ZNF787: variants seen among roughly 807,000 people sequenced by gnomAD.
ZNF787 encodes TTF-I-interacting peptide 20.
Under a neutral mutation model 16.9 loss-of-function variants are expected in ZNF787, and 7 were observed. The observed-to-expected ratio is 0.42, with a 90% CI of 0.24 to 0.78. The LOEUF (loss-of-function observed/expected upper bound fraction) is 0.78, where lower values mean the gene tolerates loss of function less well. Ranked by LOEUF, ZNF787 falls within the 30% of genes least tolerant of loss-of-function variation. ZNF787 has a pLI of 0.30. For missense variants in ZNF787, 551 were observed against 589.3 expected, an observed-to-expected ratio of 0.94 and a Z score of 0.67; for synonymous variants, 345 against 270.9, an observed-to-expected ratio of 1.27 and a Z score of -2.69.
Position 56,088,298 on chromosome 19 carries a change from C to T in ZNF787, c.874G>A (p.Gly292Arg), listed in dbSNP as rs1352884219. 6 of 1,353,946 alleles carry T rather than the reference C, an allele frequency of 4.4e-6. No homozygotes were observed. The highest frequency in any genetic ancestry group is 4.7e-6 in the Non-Finnish European group (5 of 1,057,122). 83.9% of individuals were successfully genotyped at this position (1,353,946 alleles called of 1,614,324 possible). Residue 292 changes from glycine (G) to arginine (R), a missense_variant, in exon 3 of 3, where the codon GGG becomes AGG. Transcript: ENST00000610935. This position sits in a 1 kb window ranked among gnomAD's most constrained non-coding sequence, Gnocchi z 8.6. Reference protein sequence around the residue: ...CLECGKGFGHGAGLLAHQRAQ... With the variant: ...CLECGKGFGHRAGLLAHQRAQ... ...CGCTGGTGCGCCAGGAGCCCGGCCC[C>T]GTGCCCGAAGCCCTTCCCGCACTCC...
chr19:56,116,729 C>T (rs529653482), intron 1 of ZNF787, among the ~76,000 whole-genome samples: 13 of 152,108 alleles, frequency 8.5e-5, no homozygotes, highest in Admixed American at 4.6e-4. Context: ...GATTCTCCCC[C>T]GGGGCCTTTG....
At chr19:56,097,864 C>G (rs1199410919) in intron 2 of ZNF787, among the ~76,000 whole-genome samples, 1 of 152,148 alleles carries the variant, frequency 6.6e-6, no homozygotes, top group Admixed American at 6.5e-5. Context: ...AGGGGCAACC[C>G]TACTGGAGTG....
chr19:56,102,771 G>A (rs1002032862), intron 2 of ZNF787: 8 of 614,414 alleles, frequency 1.3e-5, no homozygotes, highest in East Asian at 2.7e-5. Context: ...CCACAGGCCC[G>A]CCTGGAATCA....
At chr19:56,106,131 G>C (rs1006695328) in intron 1 of ZNF787, among the ~76,000 whole-genome samples, 14 of 146,626 alleles carry the variant, frequency 9.5e-5, no homozygotes, top group Non-Finnish European at 9.0e-5. Flanking sequence ...GCATTCCCCC[G>C]CCGCGCCCTG....
At chr19:56,116,286 C>T (rs1205132172) in intron 1 of ZNF787, among the ~76,000 whole-genome samples, 1 of 151,900 alleles carries the variant, frequency 6.6e-6, no homozygotes, top group South Asian at 2.1e-4. Flanking sequence ...CTAAAAAATA[C>T]AAAAAATTAG....
chr19:56,088,460 C>T lies in ZNF787; in HGVS notation c.712G>A (p.Gly238Ser). Reference protein sequence around the residue: ...AADGEIAIPVGDGEGIIVVGA... With the variant: ...AADGEIAIPVSDGEGIIVVGA... ...ACCACGATGATGCCCTCGCCATCGC[C>T]CACGGGGATGGCGATCTCGCCGTCC... Residue 238 changes from glycine to serine, a missense_variant, in exon 3 of 3, where the codon GGC (glycine) becomes AGC (serine). By Grantham distance (56) the Gly-to-Ser change is moderately conservative. Transcript: ENST00000610935. This position sits in a 1 kb window ranked among gnomAD's most constrained non-coding sequence, Gnocchi z 8.6. The T allele has an allele frequency of 2.3e-6, 3 of 1,313,034 alleles. No homozygotes were observed. The highest frequency in any genetic ancestry group is 2.9e-6 in the Non-Finnish European group (3 of 1,032,274). 81.3% of individuals were successfully genotyped at this position (1,313,034 alleles called of 1,614,324 possible).
At chr19:56,091,155 G>GC (rs1258441117) in intron 2 of ZNF787, among the ~76,000 whole-genome samples, 1 of 152,212 alleles carries the variant, frequency 6.6e-6, no homozygotes, top group Non-Finnish European at 1.5e-5. Flanking sequence ...GAAGCTATTT[G>GC]CCCCGGGGCA....
chr19:56,090,683 G>C (rs757101425), intron 2 of ZNF787, among the ~76,000 whole-genome samples: 1 of 152,218 alleles, frequency 6.6e-6, no homozygotes, highest in Admixed American at 6.5e-5. Context: ...TTAGCCGGGC[G>C]TGGTGGCGCA....
At chr19:56,095,204 T>A (rs1004853078) in intron 2 of ZNF787, among the ~76,000 whole-genome samples, 3 of 152,172 alleles carry the variant, frequency 2.0e-5, no homozygotes, top group African/African-American at 4.8e-5. Context: ...GCCGCTGACC[T>A]GGCAGAAGGC....
chr19:56,087,721 G>C lies in ZNF787; in HGVS notation c.*302C>G, dbSNP rs973376558. On this transcript the variant is annotated 3_prime_UTR_variant, in exon 3 of 3. Transcript: ENST00000610935. ...GAGCAGGGAAAATGGCCTTCCGCTT[G>C]GGGCCTGGTCGCCACTCGGCCTCTG... 7.7e-6 allele frequency: 2 copies of C among 260,748 alleles called. No individual in the cohort carries two copies. Among genetic ancestry groups the C allele is most frequent in the Non-Finnish European group, 7.0e-6 (1 of 143,184 alleles). 16.2% of individuals were successfully genotyped at this position (260,748 alleles called of 1,614,324 possible). A position where few individuals can be genotyped will look rare whatever the true frequency, so the allele number is the denominator to read the frequency against.
In ZNF787 at chr19:56,088,047, C is replaced by G. The variant is rs549656614; in HGVS notation, c.1125G>C (p.Glu375Asp). ...CCTACCGGCCCTCCCCACCGCGGCA[C>G]TCGGGGCACCGCCCGCCCGCGGCCT... ...DDEAAGGRCP[E>D]CRGGEGR The change falls in exon 3 of 3, where the codon GAG becomes GAC. Residue 375 changes from glutamate to aspartate, a missense_variant. This residue lies in a region of ZNF787 where 392 missense variants were observed against 312.7 expected (regional missense o/e 1.25). Transcript: ENST00000610935. This position sits in a 1 kb window ranked among gnomAD's most constrained non-coding sequence, Gnocchi z 8.6. 5.1e-6 allele frequency: 7 copies of G among 1,374,884 alleles called. No homozygotes were observed. Among genetic ancestry groups the G allele is most frequent in the South Asian group, 4.8e-5 (3 of 63,066 alleles). The allele number at this position is 1,374,884 out of a possible 1,614,324, so 85.2% of individuals were successfully genotyped here.
chr19:56,097,441 C>T (rs910900566), intron 2 of ZNF787, among the ~76,000 whole-genome samples: 23 of 152,374 alleles, frequency 1.5e-4, no homozygotes, highest in African/African-American at 5.0e-4. Flanking sequence ...ACGTGGGAAA[C>T]GCCGTGCTGT....
At chr19:56,100,618 C>T (rs1409400534) in intron 2 of ZNF787, among the ~76,000 whole-genome samples, 2 of 152,190 alleles carry the variant, frequency 1.3e-5, no homozygotes, top group Non-Finnish European at 1.5e-5. Flanking sequence ...GGACCACACA[C>T]GCCATGGCCA....
chr19:56,115,833 C>T (rs866815928), intron 1 of ZNF787, among the ~76,000 whole-genome samples: 2 of 152,172 alleles, frequency 1.3e-5, no homozygotes, highest in Non-Finnish European at 2.9e-5. Flanking sequence ...GGGCACAGCC[C>T]GCAGGACTTG....
intron 2 of ZNF787, chr19:56,101,631 A>G (rs1318703612): frequency 6.6e-6 from 1 of 152,090 alleles, no homozygotes; most frequent in East Asian, 1.9e-4. Context: ...AGCTTCCTGT[A>G]GGGCTTTTTC....
intron 2 of ZNF787, among the ~76,000 whole-genome samples, chr19:56,092,016 A>AAGCCGAAG (rs1985611148): frequency 3.5e-5 from 5 of 144,920 alleles, no homozygotes; most frequent in African/African-American, 1.4e-4. Context: ...CAAAGCCGAA[A>AAGCCGAAG]CCGAAGCCGA....
intron 1 of ZNF787, among the ~76,000 whole-genome samples, chr19:56,119,988 C>T (rs1284166394): frequency 1.5e-5 from 2 of 129,886 alleles, no homozygotes; most frequent in South Asian, 2.6e-4. Context: ...AAAGAGCAGA[C>T]CAAGCCATTC....
Position 56,087,992 on chromosome 19 carries a change from C to A in ZNF787, c.*31G>T. The stretch of plus-strand genomic sequence containing the variant: ...CGTCGCTCCCGCCAAGCCCGAGGGG[C>A]CCTGCCCGCCCCCCCCCCCGGGCCC... On this transcript the variant is annotated 3_prime_UTR_variant, in exon 3 of 3. Transcript: ENST00000610935. 1 of 1,263,942 alleles carries A rather than the reference C, an allele frequency of 7.9e-7. No homozygotes were observed. Among genetic ancestry groups the A allele is most frequent in the Non-Finnish European group, 9.9e-7 (1 of 1,012,568 alleles). 78.3% of individuals were successfully genotyped at this position (1,263,942 alleles called of 1,614,324 possible).
Position 56,088,966 on chromosome 19 carries a change from T to G in ZNF787, c.206A>C (p.Asn69Thr). ...GTGGCTAAAGCTCTTGCCACACTCG[T>G]TGCAGATGTAGGGGGCGGGCGGCCG... Reference protein sequence around the residue: ...RPRPPAPYICNECGKSFSHWS... With the variant: ...RPRPPAPYICTECGKSFSHWS... Residue 69 changes from asparagine to threonine, a missense_variant, in exon 3 of 3, where the codon AAC becomes ACC. Physicochemically the swap from Asn to Thr is moderately conservative, Grantham distance 65. This residue lies in a region of ZNF787 where 80 missense variants were observed against 105.9 expected (regional missense o/e 0.76). Transcript: ENST00000610935. This position sits in a 1 kb window ranked among gnomAD's most constrained non-coding sequence, Gnocchi z 8.6. 1 of 1,543,784 alleles carries G rather than the reference T, an allele frequency of 6.5e-7. No individual in the cohort carries two copies. Among genetic ancestry groups the G allele is most frequent in the African/African-American group, 1.4e-5 (1 of 71,668 alleles).
Sources: gnomAD v4.1 joint callset for allele counts (sites outside exome capture counted in the v4.1 genomes callset) on GRCh38, gnomAD v4.1.1 for gene constraint, gnomAD v4.1.1 regional missense constraint, Gnocchi (gnomAD v3.1) non-coding constraint, MANE v1.5 for transcripts, NCBI Gene and HGNC (gene_info 2026-07-23, HGNC 2026-07-21) for gene names.